UNC13A: variants seen among roughly 807,000 people sequenced by gnomAD.
The protein encoded by UNC13A is unc-13 homolog A.
A neutral mutation model predicts 219.7 loss-of-function variants in UNC13A; 61 were observed. That is an observed-to-expected ratio of 0.28 (90% CI 0.23 to 0.34). UNC13A has a LOEUF of 0.34. Ranked by LOEUF, UNC13A falls within the 10% of genes least tolerant of loss-of-function variation. The probability of loss-of-function intolerance (pLI) is 1.00; values close to 1 mark genes in which losing one functional copy is unlikely to be tolerated. For missense variants in UNC13A, 1,476 were observed against 2,270.3 expected, an observed-to-expected ratio of 0.65 and a Z score of 7.11; for synonymous variants, 920 against 884.6, an observed-to-expected ratio of 1.04 and a Z score of -0.71.
chr19:17,685,507 G>C (rs897422652), intron 1 of UNC13A, among the ~76,000 whole-genome samples: 1 of 152,108 alleles, frequency 6.6e-6, no homozygotes, highest in Non-Finnish European at 1.5e-5. Flanking sequence ...CTGGACATGG[G>C]TGGATCTTTA....
At chr19:17,606,674 T>A (rs866906992) in intron 43 of UNC13A, among the ~76,000 whole-genome samples, 1 of 145,978 alleles carries the variant, frequency 6.9e-6, no homozygotes, top group Non-Finnish European at 1.5e-5. Context: ...GCTCCCACCC[T>A]GAGATACCCG....
At chr19:17,633,258 C>A in intron 26 of UNC13A, 65 bp from the exon 27 acceptor site, 4 of 1,476,874 alleles carry the variant, frequency 2.7e-6, no homozygotes, top group South Asian at 1.2e-5. Context: ...GCTGCTTTGT[C>A]CTTCCCTGCC....
At chr19:17,655,172 C>T (rs1599383919) in intron 11 of UNC13A, 102 bp downstream of exon 11, 13 of 926,044 alleles carry the variant, frequency 1.4e-5, no homozygotes, top group South Asian at 2.8e-5. Context: ...GGGTGTTGGG[C>T]GTGGCCAATA....
chr19:17,651,042 A>G (rs1202817395), intron 12 of UNC13A, among the ~76,000 whole-genome samples: 2 of 151,034 alleles, frequency 1.3e-5, no homozygotes, highest in African/African-American at 4.9e-5. Flanking sequence ...GGTTCAAGCA[A>G]TTCTCCTATC....
intron 8 of UNC13A, 68 bp from the exon 9 acceptor site, chr19:17,658,337 A>T: frequency 6.8e-7 from 1 of 1,476,344 alleles, no homozygotes; most frequent in South Asian, 1.2e-5. Context: ...AGCCAATACA[A>T]TTTCCCAGAC....
intron 28 of UNC13A, 47 bp from the exon 29 acceptor site, chr19:17,630,797 C>T (rs1279746212): frequency 6.4e-7 from 1 of 1,573,076 alleles, no homozygotes; most frequent in Non-Finnish European, 8.7e-7. Flanking sequence ...TTGTCCTCCT[C>T]AACCTCTGCG....
intron 1 of UNC13A, 143 bp downstream of exon 1, chr19:17,688,035 G>A (rs547197044): frequency 1.9e-6 from 2 of 1,051,436 alleles, no homozygotes; most frequent in Admixed American, 4.0e-5. Context: ...GCCCAGCTGC[G>A]TCGACAAGGG....
chr19:17,605,988 A>C lies in UNC13A; in HGVS notation c.*66T>G. 3.7e-6 allele frequency: 5 copies of C among 1,355,012 alleles called. No individual in the cohort carries two copies. The highest frequency in any genetic ancestry group is 4.8e-6 in the Non-Finnish European group (5 of 1,051,926). 83.9% of individuals were successfully genotyped at this position (1,355,012 alleles called of 1,614,324 possible). ...CCCTGGGGAGGTCCCACCAAGGCGC[A>C]AGCCCCGTCCCTCCCCGCCCAGCGC... On this transcript the variant is annotated 3_prime_UTR_variant, in exon 44 of 44. Transcript: ENST00000519716.
intron 43 of UNC13A, among the ~76,000 whole-genome samples, chr19:17,607,037 T>G (rs991931220): frequency 1.3e-5 from 2 of 152,146 alleles, no homozygotes; most frequent in Non-Finnish European, 1.5e-5. Flanking sequence ...CCTGAAGTAC[T>G]CCGGCCCACC....
chr19:17,687,167 C>T (rs922459399), intron 1 of UNC13A, among the ~76,000 whole-genome samples: 1 of 152,204 alleles, frequency 6.6e-6, no homozygotes, highest in African/African-American at 2.4e-5. Context: ...GGCTTCCCCA[C>T]GACCCCAGAG....
intron 3 of UNC13A, 122 bp from the exon 4 acceptor site, chr19:17,672,617 TC>T (rs962725320): frequency 1.5e-6 from 1 of 686,138 alleles, no homozygotes; most frequent in African/African-American, 1.8e-5. Context: ...CCTGGGAGTG[TC>T]CTAGGTGGTA....
rs2144950620 is a variant in UNC13A at position 17,617,702 on chromosome 19, C to T, written c.4558G>A (p.Gly1520Ser). ...GGTGATGCGGTCTGGGTACCCTTAC[C>T]CTGGGCCGATTGCGTCTGTACAAAG... is the stretch of plus-strand genomic sequence containing the variant. ...KTFVQTQSAQ[G>S]LGVEDPVGEV... Residue 1520 changes from glycine to serine, a missense_variant and splice_region_variant, in exon 41 of 44, where the codon GGC becomes AGC. By Grantham distance (56) the Gly-to-Ser change is moderately conservative. Around this residue, in one of 14 missense-constraint regions of UNC13A, gnomAD observed 77 missense variants for 94.8 expected, o/e 0.81. Transcript: ENST00000519716. The T allele has an allele frequency of 6.2e-7, 1 of 1,613,540 alleles. No homozygotes were observed. Among genetic ancestry groups the T allele is most frequent in the East Asian group, 2.2e-5 (1 of 44,872 alleles).
intron 23 of UNC13A, 29 bp downstream of exon 23, chr19:17,639,811 G>T: frequency 6.2e-7 from 1 of 1,612,510 alleles, no homozygotes; most frequent in South Asian, 1.1e-5. Context: ...TGCGTGGGGT[G>T]AGCAAATTCT....
chr19:17,610,058 A>G lies in UNC13A; in HGVS notation c.4693T>C (p.Phe1565Leu). Reference protein sequence around the residue: ...NDLKWQTSGIFRPFIEVNIIG... With the variant: ...NDLKWQTSGILRPFIEVNIIG... ...ATGTTGACCTCGATGAACGGCCGGA[A>G]GATGCCAGAAGTCTGCCACTTGAGG... The change falls in exon 43 of 44, where the codon TTC becomes CTC. Residue 1565 changes from phenylalanine (F) to leucine (L), a missense_variant. Around this residue, in one of 14 missense-constraint regions of UNC13A, gnomAD observed 77 missense variants for 94.8 expected, o/e 0.81. Coordinates refer to ENST00000519716, the MANE Select transcript of UNC13A (RefSeq NM_001080421.3). The G allele has an allele frequency of 6.2e-7, 1 of 1,614,072 alleles. No homozygotes were observed. Among genetic ancestry groups the G allele is most frequent in the Non-Finnish European group, 8.5e-7 (1 of 1,179,906 alleles).
intron 4 of UNC13A, among the ~76,000 whole-genome samples, chr19:17,672,082 C>T (rs370946475): frequency 7.9e-5 from 12 of 152,208 alleles, no homozygotes; most frequent in South Asian, 2.1e-4. Flanking sequence ...ATGAGATGTG[C>T]ATGAACCACC....
In UNC13A at chr19:17,647,453, C is replaced by T; in HGVS notation, c.1856G>A (p.Arg619Gln). 6.2e-7 allele frequency: 1 copy of T among 1,613,484 alleles called. No individual in the cohort carries two copies. The highest frequency in any genetic ancestry group is 8.5e-7 in the Non-Finnish European group (1 of 1,179,808). The change falls in exon 17 of 44, where the codon CGG (arginine) becomes CAG (glutamine). Residue 619 changes from arginine to glutamine, a missense_variant. By Grantham distance (43) the Arg-to-Gln change is conservative. Around this residue, in one of 14 missense-constraint regions of UNC13A, gnomAD observed 85 missense variants for 211.5 expected, o/e 0.40. Transcript: ENST00000519716. ...GAGCACCATGATGATGTTCTGTGTCCGGTCCTCCGCCCCGTGCTTGGAGCT... is the reference window on the plus strand; with the variant it reads ...GAGCACCATGATGATGTTCTGTGTCTGGTCCTCCGCCCCGTGCTTGGAGCT... The part of the protein sequence containing the change: ...EKSSKHGAED[R>Q]TQNIIMVLKD...
At chr19:17,672,589 C>G in intron 3 of UNC13A, 94 bp from the exon 4 acceptor site, 1 of 918,340 alleles carries the variant, frequency 1.1e-6, no homozygotes. Flanking sequence ...ACACAGCATA[C>G]TGCAATTCAA....
At chr19:17,656,655 C>T (rs2079460336) in intron 9 of UNC13A, among the ~76,000 whole-genome samples, 1 of 152,048 alleles carries the variant, frequency 6.6e-6, no homozygotes, top group South Asian at 2.1e-4. Context: ...AGTTCAAGAC[C>T]AGCCTGGCCA....
At chr19:17,642,755 T>G in intron 20 of UNC13A, 90 bp downstream of exon 20, 1 of 1,091,854 alleles carries the variant, frequency 9.2e-7, no homozygotes, top group Non-Finnish European at 1.3e-6. Flanking sequence ...GCCAGGAGAG[T>G]GTGGATGGTG....
Sources: gnomAD v4.1 joint callset for allele counts (sites outside exome capture counted in the v4.1 genomes callset) on GRCh38, gnomAD v4.1.1 for gene constraint, gnomAD v4.1.1 regional missense constraint, MANE v1.5 for transcripts, NCBI Gene and HGNC (gene_info 2026-07-23, HGNC 2026-07-21) for gene names.